R3HCC1L: variants seen among roughly 807,000 people sequenced by gnomAD.
R3HCC1L encodes R3H domain and coiled-coil containing 1 like.
A neutral mutation model predicts 59.9 loss-of-function variants in R3HCC1L; 51 were observed. That is an observed-to-expected ratio of 0.85 (90% confidence interval 0.68 to 1.07). R3HCC1L has a LOEUF of 1.07. Ranked by LOEUF, R3HCC1L falls within the 50% of genes least tolerant of loss-of-function variation. R3HCC1L has a pLI of 0.00. For missense variants in R3HCC1L, 965 were observed against 933.0 expected, an observed-to-expected ratio of 1.03 and a Z score of -0.45; for synonymous variants, 322 against 315.2, an observed-to-expected ratio of 1.02 and a Z score of -0.23.
At chr10:98,222,098 C>A (rs1486163816) in intron 5 of R3HCC1L, among the ~76,000 whole-genome samples, 1 of 152,066 alleles carries the variant, frequency 6.6e-6, no homozygotes, top group African/African-American at 2.4e-5. Context: ...CCTTCACATC[C>A]CTTGTAAGTT....
chr10:98,143,146 G>A (rs1845326480), intron 1 of R3HCC1L, among the ~76,000 whole-genome samples: 1 of 152,206 alleles, frequency 6.6e-6, no homozygotes, highest in African/African-American at 2.4e-5. Context: ...TAAAAACTTA[G>A]TGTTAGGAAA....
At chr10:98,196,248 C>A (rs1394446004) in intron 4 of R3HCC1L, among the ~76,000 whole-genome samples, 2 of 151,974 alleles carry the variant, frequency 1.3e-5, no homozygotes, top group African/African-American at 4.8e-5. Flanking sequence ...CCATTTACAT[C>A]ATCAGTTTTT....
chr10:98,218,750 T>C (rs1051701026), intron 5 of R3HCC1L, among the ~76,000 whole-genome samples: 17 of 152,222 alleles, frequency 1.1e-4, no homozygotes, highest in African/African-American at 3.4e-4. Context: ...CTAGATGATC[T>C]GTCCAATGCT....
intron 1 of R3HCC1L, among the ~76,000 whole-genome samples, chr10:98,152,917 C>T (rs572983588): frequency 0.011 from 1,692 of 150,964 alleles, 44 homozygotes; most frequent in African/African-American, 0.039. Context: ...AGCCCCTGCC[C>T]GGCCAGTCGC....
chr10:98,179,376 T>C (rs185373413), intron 4 of R3HCC1L, among the ~76,000 whole-genome samples: 161 of 152,218 alleles, frequency 1.1e-3, no homozygotes, highest in African/African-American at 3.7e-3. Flanking sequence ...TATTGATTTA[T>C]GTATGTTGAA....
intron 1 of R3HCC1L, among the ~76,000 whole-genome samples, chr10:98,155,731 A>G (rs936056973): frequency 2.6e-5 from 4 of 151,304 alleles, no homozygotes; most frequent in East Asian, 1.9e-4. Flanking sequence ...TCCTTAAGCT[A>G]TTTCTTCTGG....
At chr10:98,170,293 A>G (rs1026372031) in intron 4 of R3HCC1L, among the ~76,000 whole-genome samples, 3 of 151,926 alleles carry the variant, frequency 2.0e-5, no homozygotes, top group African/African-American at 7.3e-5. Context: ...GATGATTTTC[A>G]AAGGCTCTTT....
chr10:98,234,571 A>C, intron 7 of R3HCC1L, 55 bp downstream of exon 7: 2 of 1,527,322 alleles, frequency 1.3e-6, no homozygotes, highest in South Asian at 1.2e-5. Context: ...TTCTCATGCT[A>C]CTTTTTCTAT....
chr10:98,196,278 C>G (rs954108749), intron 4 of R3HCC1L, among the ~76,000 whole-genome samples: 19 of 152,134 alleles, frequency 1.2e-4, no homozygotes, highest in African/African-American at 4.3e-4. Flanking sequence ...TTGGATTAGT[C>G]TTCCTCCCCT....
At chr10:98,193,641 T>C (rs1228381787) in intron 4 of R3HCC1L, among the ~76,000 whole-genome samples, 1 of 152,178 alleles carries the variant, frequency 6.6e-6, no homozygotes, top group Non-Finnish European at 1.5e-5. Flanking sequence ...ATTGGTATTA[T>C]TATGCTGAAA....
intron 4 of R3HCC1L, among the ~76,000 whole-genome samples, chr10:98,185,998 C>G (rs1850191896): frequency 6.6e-6 from 1 of 152,134 alleles, no homozygotes; most frequent in African/African-American, 2.4e-5. Context: ...ATCAGTGGAA[C>G]TTTTCCATTG....
chr10:98,229,379 G>GT (rs145532263), intron 5 of R3HCC1L, among the ~76,000 whole-genome samples: 48,727 of 151,624 alleles, frequency 0.32, 7,969 homozygotes, highest in East Asian at 0.48. Context: ...TGATTTGGCT[G>GT]TTTGTCTGTT....
chr10:98,166,374 G>A (rs996860366), intron 4 of R3HCC1L, among the ~76,000 whole-genome samples: 3 of 152,186 alleles, frequency 2.0e-5, no homozygotes, highest in Non-Finnish European at 2.9e-5. Flanking sequence ...CCAGTCTGTG[G>A]TACTTTGTTA....
At chr10:98,157,165 A>T (rs1159681127) in intron 2 of R3HCC1L, among the ~76,000 whole-genome samples, 1 of 152,122 alleles carries the variant, frequency 6.6e-6, no homozygotes, top group Non-Finnish European at 1.5e-5. Context: ...TTTTCACTGG[A>T]AACTTGTTAG....
At chr10:98,190,091 TTATACC>T (rs113553007) in intron 4 of R3HCC1L, among the ~76,000 whole-genome samples, 22 of 152,356 alleles carry the variant, frequency 1.4e-4, no homozygotes, top group African/African-American at 5.3e-4. Flanking sequence ...TCTAGATTAC[TTATACC>T]TAATACAATA....
At chr10:98,215,381 A>G (rs887226277) in intron 5 of R3HCC1L, among the ~76,000 whole-genome samples, 3 of 151,406 alleles carry the variant, frequency 2.0e-5, no homozygotes, top group East Asian at 1.9e-4. Context: ...ACATATTGAA[A>G]CAACTCTCCT....
At chr10:98,175,746 A>G (rs1472421395) in intron 4 of R3HCC1L, among the ~76,000 whole-genome samples, 2 of 152,100 alleles carry the variant, frequency 1.3e-5, no homozygotes, top group African/African-American at 2.4e-5. Context: ...ATTCTCTTAC[A>G]TGTCTTTGAA....
At chr10:98,236,503 A>G (rs1182072681) in intron 9 of R3HCC1L, among the ~76,000 whole-genome samples, 2 of 152,300 alleles carry the variant, frequency 1.3e-5, no homozygotes, top group East Asian at 1.9e-4. Context: ...AACATTTGCT[A>G]TGGTTTTACT....
chr10:98,244,296 T>G lies in R3HCC1L; in HGVS notation c.*138T>G, dbSNP rs898321748. On this transcript the variant is annotated 3_prime_UTR_variant, in exon 10 of 10. Transcript: ENST00000298999. ...TAAAGTGATCGAGACAAGGACTGAC[T>G]GGGTATAGAAGGAAGACAGACTCCT... 11 of 765,656 alleles carry G rather than the reference T, an allele frequency of 1.4e-5. 1 individual carries two copies. Among genetic ancestry groups the G allele is most frequent in the Non-Finnish European group, 2.3e-5 (11 of 475,620 alleles). 47.4% of individuals were successfully genotyped at this position (765,656 alleles called of 1,614,324 possible).
Sources: allele counts gnomAD v4.1 joint callset (sites outside exome capture counted in the v4.1 genomes callset), GRCh38; gene constraint gnomAD v4.1.1; transcripts MANE v1.5; gene names NCBI Gene and HGNC (gene_info 2026-07-23, HGNC 2026-07-21).